TNIK: variants seen among roughly 807,000 people sequenced by gnomAD.
TNIK encodes TRAF2 and NCK interacting kinase.
Under a neutral mutation model 191.3 loss-of-function variants are expected in TNIK, and 49 were observed. The observed-to-expected ratio is 0.26, with a 90% CI of 0.20 to 0.32. The LOEUF is 0.32. Among genes scored for constraint, TNIK ranks in the 10% least tolerant of loss-of-function variants. The probability of loss-of-function intolerance (pLI) is 1.00; values close to 1 mark genes in which losing one functional copy is unlikely to be tolerated. For synonymous variants in TNIK, 594 were observed against 600.9 expected (o/e 0.99, Z 0.17); for missense variants, 1,155 against 1,702.3 (o/e 0.68, Z 5.66).
At chr3:171,201,721 T>A (rs886290219) in intron 4 of TNIK, among the ~76,000 whole-genome samples, 3 of 152,234 alleles carry the variant, frequency 2.0e-5, no homozygotes, top group African/African-American at 7.2e-5. Flanking sequence ...TTTCAATCAA[T>A]TGAAGTAAAG....
chr3:171,350,984 G>A (rs2108437723), intron 2 of TNIK, among the ~76,000 whole-genome samples: 1 of 152,176 alleles, frequency 6.6e-6, no homozygotes, highest in African/African-American at 2.4e-5. Flanking sequence ...TCCACTTCCT[G>A]GGTTCAAGCT....
Position 171,452,292 on chromosome 3 carries a change from G to A in TNIK, c.57+7715C>T, listed in dbSNP as rs78888367. Among the ~76,000 whole-genome samples, 650 of 152,280 alleles carry A rather than the reference G, an allele frequency of 4.3e-3. 6 individuals are homozygous for A. Among genetic ancestry groups the A allele is most frequent in the African/African-American group, 0.015 (618 of 41,552 alleles). On this transcript the variant is annotated intron_variant, in intron 1 of 32. Transcript: ENST00000436636. ...AATTCCCAGCTCATTGAGGTGCACA[G>A]TTTGCAATCTCTTGGTATCTCCAAC...
chr3:171,266,598 G>A (rs1482269135), intron 2 of TNIK, among the ~76,000 whole-genome samples: 3 of 152,178 alleles, frequency 2.0e-5, no homozygotes, highest in Non-Finnish European at 2.9e-5. Context: ...CTGCACGTCT[G>A]TGAGATTTGC....
chr3:171,334,252 C>T (rs1756720425), intron 2 of TNIK, among the ~76,000 whole-genome samples: 3 of 152,134 alleles, frequency 2.0e-5, no homozygotes, highest in African/African-American at 7.2e-5. Context: ...TGCCTGTTTG[C>T]CCTTGCTCTC....
intron 2 of TNIK, among the ~76,000 whole-genome samples, chr3:171,302,064 C>T (rs1309181868): frequency 6.6e-6 from 1 of 151,492 alleles, no homozygotes; most frequent in Non-Finnish European, 1.5e-5. Context: ...GTATTACTCT[C>T]ACAATTCTTC....
At position 171,059,535 on chromosome 3, in the gene TNIK, T is replaced by C. The variant is rs1387340140; in HGVS notation, c.*4346A>G. On this transcript the variant is annotated 3_prime_UTR_variant, in exon 33 of 33. Coordinates refer to ENST00000436636, the MANE Select transcript of TNIK (RefSeq NM_015028.4). Reference sequence around the variant, plus strand: ...ACCTAGAAAATGTTTGGTAGGAATATACAAATTGTCAGTTTTGAACTTGCA... The same window carrying C: ...ACCTAGAAAATGTTTGGTAGGAATACACAAATTGTCAGTTTTGAACTTGCA... Among the ~76,000 whole-genome samples the C allele has an allele frequency of 6.6e-6, 1 of 152,170 alleles. No homozygotes were observed. Among genetic ancestry groups the C allele is most frequent in the Non-Finnish European group, 1.5e-5 (1 of 68,012 alleles).
intron 24 of TNIK, among the ~76,000 whole-genome samples, chr3:171,087,022 C>G (rs2108386821): frequency 6.6e-6 from 1 of 152,276 alleles, no homozygotes; most frequent in African/African-American, 2.4e-5. Context: ...CCTGAAGTTT[C>G]CATCAGAACT....
intron 2 of TNIK, among the ~76,000 whole-genome samples, chr3:171,310,723 T>G (rs1182782973): frequency 6.6e-6 from 1 of 152,194 alleles, no homozygotes; most frequent in East Asian, 1.9e-4. Context: ...TTGTTACATG[T>G]TCATATTTGA....
intron 3 of TNIK, among the ~76,000 whole-genome samples, chr3:171,224,275 T>A (rs75587624): frequency 6.6e-6 from 1 of 152,286 alleles, no homozygotes; most frequent in East Asian, 1.9e-4. Flanking sequence ...TCATTCAGTT[T>A]GAGTGGCGGT....
At chr3:171,212,920 A>T (rs1741011593) in intron 3 of TNIK, among the ~76,000 whole-genome samples, 1 of 152,166 alleles carries the variant, frequency 6.6e-6, no homozygotes, top group African/African-American at 2.4e-5. Context: ...GGAGAAGTAA[A>T]AGCATGTTAC....
chr3:171,128,212 C>T (rs1344635876), intron 16 of TNIK, among the ~76,000 whole-genome samples: 2 of 152,178 alleles, frequency 1.3e-5, no homozygotes, highest in African/African-American at 2.4e-5. Context: ...GCATTTCTAT[C>T]AAGTTCCTGG....
At chr3:171,415,752 G>A (rs1055368117) in intron 1 of TNIK, among the ~76,000 whole-genome samples, 2 of 151,712 alleles carry the variant, frequency 1.3e-5, no homozygotes, top group South Asian at 2.1e-4. Flanking sequence ...ATGTAGAGGC[G>A]GGCAGATCAC....
At position 171,205,847 on chromosome 3, in the gene TNIK, C is replaced by T. The variant is rs118040597; in HGVS notation, c.306+5269G>A. Among the ~76,000 whole-genome samples the T allele has an allele frequency of 7.7e-4, 117 of 152,264 alleles. 2 individuals are homozygous for T. The East Asian group carries it at 0.02, about 26-fold the overall frequency. On this transcript the variant is annotated intron_variant, in intron 4 of 32. Coordinates refer to ENST00000436636, the MANE Select transcript of TNIK (RefSeq NM_015028.4). ...GACTGTTAACTTCTCAGAAAGACAG[C>T]AAGGGAGCTCTCTGGGTTCTTTTTA... is the stretch of plus-strand genomic sequence containing the variant.
rs1483909180 is a variant in TNIK, at chr3:171,093,797, A to G, written c.2721+42T>C. ...GAAAGCTTTAATGTAAAAACCACTG[A>G]AGAAATGGCATTTCCTCTACACAGT... On this transcript the variant is annotated intron_variant, in intron 23 of 32. Coordinates refer to ENST00000436636, the MANE Select transcript of TNIK (RefSeq NM_015028.4). The G allele has an allele frequency of 1.9e-6, 3 of 1,608,656 alleles. No homozygotes were observed. In the East Asian group the frequency reaches 6.7e-5, roughly 36 times the overall value.
intron 3 of TNIK, among the ~76,000 whole-genome samples, chr3:171,215,773 T>G (rs1449153707): frequency 6.6e-6 from 1 of 152,194 alleles, no homozygotes; most frequent in Admixed American, 6.5e-5. Context: ...GAACACACTT[T>G]AAGTGCCTAT....
chr3:171,411,288 CTGGCTGAGAAATCATAATCTTAATGT>C (rs536030042), intron 1 of TNIK, among the ~76,000 whole-genome samples: 9 of 152,060 alleles, frequency 5.9e-5, no homozygotes, highest in African/African-American at 2.2e-4. Context: ...GTTGACCAGG[CTGGCTGAGAAATCATAATCTTAATGT>C]TGGGAGATTG....
Position 171,089,516 on chromosome 3 carries a change from A to C in TNIK, c.2722-2010T>G, listed in dbSNP as rs370105905. 7.2e-4 allele frequency among the ~76,000 whole-genome samples: 109 copies of C among 152,324 alleles called. 1 individual carries two copies. Among genetic ancestry groups the C allele is most frequent in the African/African-American group, 2.5e-3 (102 of 41,580 alleles). Reference sequence around the variant, plus strand: ...TTTCTCAAGCCAAAAACTGATGCAGACACACTGGTTATCAAAGAGAGACTC... The same window carrying C: ...TTTCTCAAGCCAAAAACTGATGCAGCCACACTGGTTATCAAAGAGAGACTC... On this transcript the variant is annotated intron_variant, in intron 23 of 32. Transcript: ENST00000436636.
At chr3:171,422,651 C>G (rs1037907281) in intron 1 of TNIK, among the ~76,000 whole-genome samples, 4 of 152,188 alleles carry the variant, frequency 2.6e-5, no homozygotes, top group Admixed American at 2.6e-4. Context: ...GTGCTATGCA[C>G]TGAGATACAA....
intron 1 of TNIK, among the ~76,000 whole-genome samples, chr3:171,382,218 C>CTTT (rs63626462): frequency 0.36 from 35,460 of 99,004 alleles, 6,911 homozygotes; most frequent in East Asian, 0.81. Flanking sequence ...TTGAATACAT[C>CTTT]TTTTTTTTTT....
Sources: allele counts gnomAD v4.1 joint callset (sites outside exome capture counted in the v4.1 genomes callset), GRCh38; gene constraint gnomAD v4.1.1; transcripts MANE v1.5; gene names NCBI Gene and HGNC (gene_info 2026-07-23, HGNC 2026-07-21).